GARNL3: variants seen among roughly 807,000 people sequenced by gnomAD.
The protein encoded by GARNL3 is GTPase activating Rap/RanGAP domain like 3.
A neutral mutation model predicts 125.0 loss-of-function variants in GARNL3; 63 were observed. That is an observed-to-expected ratio of 0.50 (90% CI 0.41 to 0.62). The LOEUF is 0.62. GARNL3 is among the 20% of genes least tolerant of loss of function. The probability of loss-of-function intolerance (pLI) is 0.00; values close to 1 mark genes in which losing one functional copy is unlikely to be tolerated. For synonymous variants in GARNL3, 439 were observed against 457.5 expected (o/e 0.96, Z 0.52); for missense variants, 994 against 1,244.0 (o/e 0.80, Z 3.02).
chr9:127,315,664 A>T (rs1480128984), intron 4 of GARNL3, among the ~76,000 whole-genome samples: 1 of 143,098 alleles, frequency 7.0e-6, no homozygotes, highest in African/African-American at 2.6e-5. Flanking sequence ...TAAGAAAGAT[A>T]AAAAAAAAAA....
chr9:127,313,596 C>A, intron 4 of GARNL3, 37 bp downstream of exon 4: 1 of 1,346,648 alleles, frequency 7.4e-7, no homozygotes, highest in Non-Finnish European at 1.1e-6. Context: ...AAAATTTATG[C>A]ATCAGTTTCA....
chr9:127,387,470 TG>T, intron 25 of GARNL3, 139 bp downstream of exon 25: 2 of 897,640 alleles, frequency 2.2e-6, no homozygotes, highest in Non-Finnish European at 3.3e-6. Flanking sequence ...TAGCTGAGCG[TG>T]GTGGCTCACC....
chr9:127,247,926 C>G (rs1564846718), intron 2 of GARNL3, among the ~76,000 whole-genome samples: 2 of 152,312 alleles, frequency 1.3e-5, no homozygotes. Flanking sequence ...TACCCCCTGT[C>G]CCCTACTATC....
At chr9:127,282,127 C>T (rs928119730) in intron 1 of GARNL3, among the ~76,000 whole-genome samples, 3 of 152,058 alleles carry the variant, frequency 2.0e-5, no homozygotes, top group African/African-American at 7.3e-5. Context: ...TCTCTTACTC[C>T]CTCTAGGATT....
At chr9:127,263,609 T>C (rs1219898088), upstream of GARNL3, 2 of 835,110 alleles carry the variant, frequency 2.4e-6, no homozygotes, top group Non-Finnish European at 2.9e-6. Flanking sequence ...GAATAGACCA[T>C]GGAGGGAAGG....
intron 11 of GARNL3, 102 bp downstream of exon 11, chr9:127,336,338 T>C (rs914404680): frequency 1.4e-5 from 10 of 719,560 alleles, no homozygotes; most frequent in Admixed American, 1.1e-4. Context: ...ACTTGTTTTG[T>C]AATGCTAGCT....
At chr9:127,308,357 C>A (rs2065010865) in intron 2 of GARNL3, among the ~76,000 whole-genome samples, 1 of 151,968 alleles carries the variant, frequency 6.6e-6, no homozygotes, top group Non-Finnish European at 1.5e-5. Flanking sequence ...AAATCAGACA[C>A]AAAGAAGGGA....
At chr9:127,328,302 G>C (rs1026044724) in intron 7 of GARNL3, among the ~76,000 whole-genome samples, 2 of 152,158 alleles carry the variant, frequency 1.3e-5, no homozygotes, top group Admixed American at 6.5e-5. Context: ...ATCCTCCAGA[G>C]CTTCTCTGAG....
chr9:127,306,051 A>G (rs940447749), intron 2 of GARNL3, among the ~76,000 whole-genome samples: 7 of 152,160 alleles, frequency 4.6e-5, no homozygotes, highest in African/African-American at 9.7e-5. Context: ...GCAGTGTTCA[A>G]ATCTCTGGGA....
chr9:127,367,967 GT>G (rs1295868004), intron 22 of GARNL3, among the ~76,000 whole-genome samples: 1 of 146,448 alleles, frequency 6.8e-6, no homozygotes, highest in Non-Finnish European at 1.5e-5. Flanking sequence ...AATCATCAGA[GT>G]ATTTATTCAG....
rs973121054 is a variant in GARNL3 at position 127,384,670 on chromosome 9, A to G, written c.2270-357A>G. Among the ~76,000 whole-genome samples the G allele has an allele frequency of 1.4e-4, 22 of 152,224 alleles. No individual in the cohort carries two copies. Among genetic ancestry groups the G allele is most frequent in the African/African-American group, 5.3e-4 (22 of 41,468 alleles). ...CCCAGGCAGGATGGCCTGGGCCTGCAGACAGAATGTCAGGCTGGCGTCTGA... is the reference window on the plus strand; with the variant it reads ...CCCAGGCAGGATGGCCTGGGCCTGCGGACAGAATGTCAGGCTGGCGTCTGA... On this transcript the variant is annotated intron_variant, in intron 23 of 27. Coordinates refer to ENST00000373387, the MANE Select transcript of GARNL3 (RefSeq NM_032293.5). This position sits in a 1 kb window ranked among gnomAD's most constrained non-coding sequence, Gnocchi z 4.0.
intron 15 of GARNL3, among the ~76,000 whole-genome samples, chr9:127,344,635 T>A: frequency 6.6e-6 from 1 of 152,176 alleles, no homozygotes; most frequent in East Asian, 1.9e-4. Flanking sequence ...ATCTCTTGCC[T>A]GCCTCCTAGG....
At chr9:127,233,660 A>G (rs1211686937) in intron 1 of GARNL3, among the ~76,000 whole-genome samples, 1 of 152,220 alleles carries the variant, frequency 6.6e-6, no homozygotes, top group Non-Finnish European at 1.5e-5. Context: ...TTGAATTACA[A>G]ATGGAAAACA....
Position 127,280,463 on chromosome 9 carries a change from C to G in GARNL3, c.145-10705C>G, listed in dbSNP as rs1020176069. ...TACTCTTCTGAAAGACCCAATGTCTCTTAGCTAAAATTAGATGGTGTGGGG... is the reference window on the plus strand; with the variant it reads ...TACTCTTCTGAAAGACCCAATGTCTGTTAGCTAAAATTAGATGGTGTGGGG... On this transcript the variant is annotated intron_variant, in intron 1 of 27. Coordinates refer to ENST00000373387, the MANE Select transcript of GARNL3 (RefSeq NM_032293.5). This position sits in a 1 kb window ranked among gnomAD's most constrained non-coding sequence, Gnocchi z 4.5. Among the ~76,000 whole-genome samples the G allele has an allele frequency of 4.6e-5, 7 of 152,194 alleles. 1 individual carries two copies. Among genetic ancestry groups the G allele is most frequent in the African/African-American group, 1.7e-4 (7 of 41,444 alleles).
intron 1 of GARNL3, among the ~76,000 whole-genome samples, chr9:127,235,278 G>A (rs1329286873): frequency 6.6e-6 from 1 of 151,530 alleles, no homozygotes; most frequent in Non-Finnish European, 1.5e-5. Context: ...AGCCACCTGT[G>A]GTTGGTGGCT....
At chr9:127,376,647 A>C (rs1831936715) in intron 22 of GARNL3, among the ~76,000 whole-genome samples, 1 of 152,052 alleles carries the variant, frequency 6.6e-6, no homozygotes, top group Non-Finnish European at 1.5e-5. Context: ...CTTTTGCCAG[A>C]AAAACAGTAC....
intron 9 of GARNL3, among the ~76,000 whole-genome samples, 185 bp downstream of exon 9, chr9:127,333,306 T>C (rs753254963): frequency 6.6e-6 from 1 of 152,154 alleles, no homozygotes; most frequent in Non-Finnish European, 1.5e-5. Context: ...TTGAGCTTCG[T>C]AAAACTAAAT....
intron 13 of GARNL3, among the ~76,000 whole-genome samples, chr9:127,339,971 T>A (rs1266873745): frequency 6.6e-6 from 1 of 152,194 alleles, no homozygotes; most frequent in Non-Finnish European, 1.5e-5. Flanking sequence ...TTGAAGCTTC[T>A]CTACACTCAC....
intron 9 of GARNL3, among the ~76,000 whole-genome samples, chr9:127,334,540 G>A (rs1225925686): frequency 6.6e-6 from 1 of 152,144 alleles, no homozygotes; most frequent in Non-Finnish European, 1.5e-5. Context: ...CACATAGAGT[G>A]CACAAGGTGA....
Sources: allele counts gnomAD v4.1 joint callset (sites outside exome capture counted in the v4.1 genomes callset), GRCh38; gene constraint gnomAD v4.1.1; non-coding constraint Gnocchi (gnomAD v3.1); transcripts MANE v1.5; gene names NCBI Gene and HGNC (gene_info 2026-07-23, HGNC 2026-07-21).